Variants in GNPTAB observed in about 807,000 individuals in gnomAD.
The protein encoded by GNPTAB is N-acetylglucosamine-1-phosphate transferase subunits alpha and beta.
GNPTAB carries 92 observed loss-of-function variants against 136.6 expected under a neutral mutation model. That is an observed-to-expected ratio of 0.67 (90% CI 0.57 to 0.80). The LOEUF (loss-of-function observed/expected upper bound fraction) is 0.80, where lower values mean the gene tolerates loss of function less well. Ranked by LOEUF, GNPTAB falls within the 30% of genes least tolerant of loss-of-function variation. The pLI, the probability that GNPTAB is intolerant of heterozygous loss-of-function variation, is 0.00. For synonymous variants in GNPTAB, 512 were observed against 535.1 expected (o/e 0.96, Z 0.60); for missense variants, 1,343 against 1,501.8 (o/e 0.89, Z 1.75).
rs1455978047 is a variant in GNPTAB at position 101,745,614 on chromosome 12, G to T, written c.*1550C>A. 1.3e-5 allele frequency: 2 copies of T among 152,224 alleles called. No individual in the cohort carries two copies. Among genetic ancestry groups the T allele is most frequent in the African/African-American group, 2.4e-5 (1 of 41,444 alleles). 9.4% of individuals were successfully genotyped at this position (152,224 alleles called of 1,614,324 possible). ...TGTACAAAAGATGTATGCCATTTTG[G>T]AAGAATATTGTTGAGATCATGATCT... On this transcript the variant is annotated 3_prime_UTR_variant, in exon 21 of 21. Transcript: ENST00000299314.
intron 8 of GNPTAB, 86 bp downstream of exon 8, chr12:101,770,906 GTCCC>G: frequency 7.8e-7 from 1 of 1,276,342 alleles, no homozygotes; most frequent in Non-Finnish European, 1.1e-6. Flanking sequence ...CTCTCTGTAA[GTCCC>G]CTTCCCTCTT....
At chr12:101,796,579 A>C (rs574774134) in intron 2 of GNPTAB, 98 bp downstream of exon 2, 1 of 814,174 alleles carries the variant, frequency 1.2e-6, no homozygotes, top group South Asian at 1.4e-5. Flanking sequence ...CATATCTATA[A>C]CTCAGAAAGA....
In GNPTAB at chr12:101,760,083, T is replaced by C; in HGVS notation, c.3196A>G (p.Thr1066Ala). The C allele has an allele frequency of 6.2e-7, 1 of 1,613,816 alleles. No homozygotes were observed. ...GTTGGTGGAATATTATTTAGCTGCG[T>C]GATATCAGCAGGAAGCATTTTTGAG... is the stretch of plus-strand genomic sequence containing the variant. ...NCSKMLPADI[T>A]QLNNIPPTQE... The change falls in exon 16 of 21, where the codon ACG (threonine) becomes GCG (alanine). Residue 1066 changes from threonine to alanine, a missense_variant. By Grantham distance (58) the Thr-to-Ala change is moderately conservative. Transcript: ENST00000299314.
chr12:101,767,087 A>G (rs1186777116), intron 11 of GNPTAB, among the ~76,000 whole-genome samples: 1 of 152,240 alleles, frequency 6.6e-6, no homozygotes, highest in Non-Finnish European at 1.5e-5. Flanking sequence ...CATCTGACAT[A>G]TCTGACTGAA....
At chr12:101,801,231 CAAAAAAAAA>C (rs35036983) in intron 1 of GNPTAB, among the ~76,000 whole-genome samples, 7 of 12,748 alleles carry the variant, frequency 5.5e-4, no homozygotes, top group Admixed American at 1.3e-3. Context: ...GACCCTGTCT[CAAAAAAAAA>C]AAAAAAAAAA....
At chr12:101,774,175 G>C (rs1953224812) in intron 7 of GNPTAB, among the ~76,000 whole-genome samples, 1 of 152,186 alleles carries the variant, frequency 6.6e-6, no homozygotes, top group Non-Finnish European at 1.5e-5. Flanking sequence ...GCCTGGGTAG[G>C]CTACAACGAC....
In GNPTAB at chr12:101,790,174, C is replaced by G. The variant is rs1566087610; in HGVS notation, c.204-117G>C. On this transcript the variant is annotated intron_variant, in intron 2 of 20. Coordinates refer to ENST00000299314, the MANE Select transcript of GNPTAB (RefSeq NM_024312.5). ...GAAAAAAATCTCTGAAGAAGTAATC[C>G]AACCATGACATATTATCACAGAACT... The G allele has an allele frequency of 4.4e-6, 6 of 1,351,384 alleles. No homozygotes were observed. The African/African-American group carries it at 8.7e-5, about 20-fold the overall frequency. The allele number at this position is 1,351,384 out of a possible 1,614,324, so 83.7% of individuals were successfully genotyped here. A position where few individuals can be genotyped will look rare whatever the true frequency, so the allele number is the denominator to read the frequency against.
chr12:101,811,181 C>A lies in GNPTAB; in HGVS notation c.118-14419G>T, dbSNP rs1870211475. Reference sequence around the variant, plus strand: ...AGAGCAAGTAATTGCCACTGTAAATCAAGGACTGGAAATCTTTCTCCGTAA... The same window carrying A: ...AGAGCAAGTAATTGCCACTGTAAATAAAGGACTGGAAATCTTTCTCCGTAA... On this transcript the variant is annotated intron_variant, in intron 1 of 20. Transcript: ENST00000299314. Among the ~76,000 whole-genome samples, 3 of 152,252 alleles carry A rather than the reference C, an allele frequency of 2.0e-5. No individual in the cohort carries two copies. The South Asian group carries it at 6.2e-4, about 32-fold the overall frequency.
At chr12:101,761,836 A>G in intron 13 of GNPTAB, 73 bp from the exon 14 acceptor site, 1 of 1,128,244 alleles carries the variant, frequency 8.9e-7, no homozygotes, top group Admixed American at 1.7e-5. Context: ...AAGACATTTT[A>G]TATAATGTGG....
At chr12:101,789,453 T>C (rs560449821) in intron 3 of GNPTAB, among the ~76,000 whole-genome samples, 1 of 151,806 alleles carries the variant, frequency 6.6e-6, no homozygotes, top group Admixed American at 6.5e-5. Context: ...TGCTTACTTG[T>C]ACCCACAGGA....
At chr12:101,772,771 T>A (rs1953198114) in intron 7 of GNPTAB, among the ~76,000 whole-genome samples, 1 of 152,140 alleles carries the variant, frequency 6.6e-6, no homozygotes, top group Non-Finnish European at 1.5e-5. Flanking sequence ...TTCTGAGGGC[T>A]CCCTGGAGAG....
At position 101,807,796 on chromosome 12, in the gene GNPTAB, G is replaced by A. The variant is rs12580373; in HGVS notation, c.118-11034C>T. Among the ~76,000 whole-genome samples the A allele has an allele frequency of 0.022, 3,414 of 152,108 alleles. 349 individuals are homozygous for A. The East Asian group carries it at 0.31, about 14-fold the overall frequency. Reference sequence around the variant, plus strand: ...AATACAAAAATTAGCCAGGTGTGGCGGCGCACACTTGTAGTCCCAGCTACT... The same window carrying A: ...AATACAAAAATTAGCCAGGTGTGGCAGCGCACACTTGTAGTCCCAGCTACT... On this transcript the variant is annotated intron_variant, in intron 1 of 20. Transcript: ENST00000299314.
At chr12:101,828,185 G>A (rs1483017805) in intron 1 of GNPTAB, among the ~76,000 whole-genome samples, 1 of 152,186 alleles carries the variant, frequency 6.6e-6, no homozygotes, top group African/African-American at 2.4e-5. Flanking sequence ...ATGAGGGTCT[G>A]TTATGTAGTA....
At chr12:101,775,485 G>A (rs996168799) in intron 7 of GNPTAB, among the ~76,000 whole-genome samples, 1 of 151,118 alleles carries the variant, frequency 6.6e-6, no homozygotes, top group Non-Finnish European at 1.5e-5. Flanking sequence ...TTAGCCTCCC[G>A]AGTAGCTGGG....
intron 16 of GNPTAB, among the ~76,000 whole-genome samples, chr12:101,758,101 C>T (rs908978491): frequency 4.7e-5 from 7 of 150,212 alleles, no homozygotes; most frequent in East Asian, 2.0e-4. Flanking sequence ...TGCAGTGGCG[C>T]GATCTCAGCT....
At chr12:101,802,646 T>C (rs1869713576) in intron 1 of GNPTAB, among the ~76,000 whole-genome samples, 2 of 152,312 alleles carry the variant, frequency 1.3e-5, no homozygotes, top group African/African-American at 4.8e-5. Flanking sequence ...TCCAGGCCTG[T>C]GCCCAAGAAA....
chr12:101,759,437 A>T (rs1292555566), intron 16 of GNPTAB, among the ~76,000 whole-genome samples: 1 of 151,506 alleles, frequency 6.6e-6, no homozygotes, highest in Non-Finnish European at 1.5e-5. Context: ...AAAAAAAAGA[A>T]TTTTTCCATT....
intron 18 of GNPTAB, among the ~76,000 whole-genome samples, chr12:101,755,918 GCA>G (rs1300255595): frequency 6.6e-6 from 1 of 152,090 alleles, no homozygotes; most frequent in Admixed American, 6.5e-5. Flanking sequence ...TTTCAAATTG[GCA>G]CAAAGACCTA....
Position 101,789,951 on chromosome 12 carries a change from G to T in GNPTAB, c.310C>A (p.Gln104Lys). ...QQVREQMEEE[Q>K]KAMREILGKN... ...AATCAGTTTTACCTCATTGCTTTCT[G>T]CTCCTCCTCCATCTGTTCTCTGACC... Residue 104 changes from glutamine to lysine, a missense_variant, in exon 3 of 21, where the codon CAG (glutamine) becomes AAG (lysine). Physicochemically the swap from Gln to Lys is moderately conservative, Grantham distance 53 (BLOSUM62 1). Coordinates refer to ENST00000299314, the MANE Select transcript of GNPTAB (RefSeq NM_024312.5). 6 of 1,613,874 alleles carry T rather than the reference G, an allele frequency of 3.7e-6. No individual in the cohort carries two copies. The highest frequency in any genetic ancestry group is 4.2e-6 in the Non-Finnish European group (5 of 1,179,918).
Sources: allele counts gnomAD v4.1 joint callset (sites outside exome capture counted in the v4.1 genomes callset), GRCh38; gene constraint gnomAD v4.1.1; transcripts MANE v1.5; gene names NCBI Gene and HGNC (gene_info 2026-07-23, HGNC 2026-07-21).